Variants in ANKRD55 observed in about 807,000 individuals in gnomAD.
ANKRD55 encodes the protein ankyrin repeat domain-containing protein 55.
In ANKRD55, 41 loss-of-function variants were observed where a neutral mutation model predicts 60.6. The observed-to-expected ratio is 0.68, with a 90% CI of 0.53 to 0.88. The LOEUF is 0.88. Ranked by LOEUF, ANKRD55 falls within the 40% of genes least tolerant of loss-of-function variation. ANKRD55 has a pLI of 0.00. For missense variants in ANKRD55, 732 were observed against 767.6 expected (o/e 0.95, Z 0.55); for synonymous variants, 264 against 290.3 (o/e 0.91, Z 0.92).
At chr5:56,186,227 G>A (rs1223092355) in intron 2 of ANKRD55, among the ~76,000 whole-genome samples, 1 of 152,170 alleles carries the variant, frequency 6.6e-6, no homozygotes, top group Non-Finnish European at 1.5e-5. Flanking sequence ...GAGTGCAGTG[G>A]CGTGATCTTG....
At chr5:56,140,921 G>A (rs188399018) in intron 7 of ANKRD55, among the ~76,000 whole-genome samples, 95 of 152,146 alleles carry the variant, frequency 6.2e-4, no homozygotes, top group African/African-American at 2.1e-3. Context: ...AAATTAGGCA[G>A]TCGTGGTGGT....
chr5:56,158,732 C>A (rs759498007), intron 6 of ANKRD55, among the ~76,000 whole-genome samples: 3 of 152,216 alleles, frequency 2.0e-5, no homozygotes. Context: ...GTCACTCTGT[C>A]ACCCAGGCTA....
chr5:56,171,391 C>T (rs1758608741), intron 4 of ANKRD55, among the ~76,000 whole-genome samples: 1 of 152,208 alleles, frequency 6.6e-6, no homozygotes, highest in Non-Finnish European at 1.5e-5. Context: ...ACTGCTGAAA[C>T]CTGCTGTCTA....
chr5:56,225,068 G>C (rs1205710367), intron 2 of ANKRD55, among the ~76,000 whole-genome samples: 3 of 152,136 alleles, frequency 2.0e-5, no homozygotes. Context: ...GATGAATATT[G>C]ATGCAAAAAT....
At chr5:56,121,742 T>G (rs1032520236) in intron 8 of ANKRD55, among the ~76,000 whole-genome samples, 1 of 152,188 alleles carries the variant, frequency 6.6e-6, no homozygotes, top group African/African-American at 2.4e-5. Context: ...TCACTCACTG[T>G]GTGGTTCTGG....
intron 2 of ANKRD55, among the ~76,000 whole-genome samples, chr5:56,218,566 A>G (rs1225632495): frequency 6.6e-6 from 1 of 152,232 alleles, no homozygotes; most frequent in Non-Finnish European, 1.5e-5. Context: ...ACATTTTTAG[A>G]CAAAATGCTG....
chr5:56,141,033 A>C (rs1433670937), intron 7 of ANKRD55, among the ~76,000 whole-genome samples: 1 of 152,048 alleles, frequency 6.6e-6, no homozygotes, highest in African/African-American at 2.4e-5. Flanking sequence ...ATTGCACTCC[A>C]ACCTGGGCAA....
At chr5:56,127,997 C>T (rs960109386) in intron 7 of ANKRD55, among the ~76,000 whole-genome samples, 2 of 152,102 alleles carry the variant, frequency 1.3e-5, no homozygotes, top group Admixed American at 6.6e-5. Context: ...TAGAAGTCAC[C>T]TAAAGTTTAG....
intron 3 of ANKRD55, among the ~76,000 whole-genome samples, chr5:56,177,499 G>A (rs1014239212): frequency 2.0e-5 from 3 of 152,032 alleles, no homozygotes; most frequent in South Asian, 4.1e-4. Context: ...TAGATAGGCC[G>A]GGTGTGGTGG....
intron 3 of ANKRD55, among the ~76,000 whole-genome samples, chr5:56,182,232 T>TC (rs200650021): frequency 0.022 from 3,406 of 152,224 alleles, 37 homozygotes; most frequent in Middle Eastern, 0.054. Context: ...GATATCTTTT[T>TC]CGGGGGGGAT....
chr5:56,209,885 C>G (rs2111871645), intron 2 of ANKRD55, among the ~76,000 whole-genome samples: 4 of 152,308 alleles, frequency 2.6e-5, no homozygotes, highest in Admixed American at 2.6e-4. Context: ...TGGACCAATA[C>G]ACACTCCCAA....
Position 56,099,846 on chromosome 5 carries a change from C to CA in ANKRD55, c.*336dup, listed in dbSNP as rs1481400989. On this transcript the variant is annotated 3_prime_UTR_variant, in exon 12 of 12. Transcript: ENST00000341048. The stretch of plus-strand genomic sequence containing the variant: ...TTTCCCAAAACATAAAATCATTCAG[C>CA]AAAAAAACAACCAAAGAACAATAAC... The CA allele has an allele frequency of 1.2e-5, 2 of 168,484 alleles. No individual in the cohort carries two copies. Among genetic ancestry groups the CA allele is most frequent in the East Asian group, 1.5e-4 (1 of 6,452 alleles). The allele number at this position is 168,484 out of a possible 1,614,324, so 10.4% of individuals were successfully genotyped here.
intron 2 of ANKRD55, among the ~76,000 whole-genome samples, chr5:56,203,477 C>G (rs1759426634): frequency 6.6e-6 from 1 of 152,034 alleles, no homozygotes; most frequent in South Asian, 2.1e-4. Flanking sequence ...AGGTATATCT[C>G]CTAATGCTAT....
At chr5:56,157,352 T>A (rs1441416684) in intron 6 of ANKRD55, among the ~76,000 whole-genome samples, 1 of 152,172 alleles carries the variant, frequency 6.6e-6, no homozygotes, top group Non-Finnish European at 1.5e-5. Flanking sequence ...TCTCCCCATG[T>A]GATAGTCTGA....
chr5:56,194,116 G>A (rs1352400261), intron 2 of ANKRD55, among the ~76,000 whole-genome samples: 1 of 152,102 alleles, frequency 6.6e-6, no homozygotes, highest in Non-Finnish European at 1.5e-5. Flanking sequence ...AGGAGATTGA[G>A]ACCACCCTGG....
intron 2 of ANKRD55, among the ~76,000 whole-genome samples, chr5:56,231,543 A>T (rs1156892860): frequency 6.6e-6 from 1 of 152,052 alleles, no homozygotes; most frequent in Non-Finnish European, 1.5e-5. Context: ...GCCATCAGTG[A>T]TATAAAATGT....
chr5:56,213,411 C>T (rs1027868565), intron 2 of ANKRD55, among the ~76,000 whole-genome samples: 3 of 151,794 alleles, frequency 2.0e-5, no homozygotes, highest in African/African-American at 7.3e-5. Context: ...ATGGATTACT[C>T]ATCGGACATT....
intron 7 of ANKRD55, among the ~76,000 whole-genome samples, chr5:56,133,835 T>C (rs1050003493): frequency 8.7e-6 from 1 of 114,756 alleles, no homozygotes; most frequent in African/African-American, 2.8e-5. Context: ...TTTGAATGTA[T>C]ATATTAAAAA....
chr5:56,103,212 G>A (rs1756343060), intron 10 of ANKRD55, among the ~76,000 whole-genome samples: 1 of 152,214 alleles, frequency 6.6e-6, no homozygotes, highest in Admixed American at 6.5e-5. Context: ...GCAGTGGTGT[G>A]TGCATGGACC....
Sources: gnomAD v4.1 joint callset for allele counts (sites outside exome capture counted in the v4.1 genomes callset) on GRCh38, gnomAD v4.1.1 for gene constraint, MANE v1.5 for transcripts, NCBI Gene and HGNC (gene_info 2026-07-23, HGNC 2026-07-21) for gene names.